FBXO9: variants seen among roughly 807,000 people sequenced by gnomAD.
FBXO9 encodes F-box protein 9, also known as F-box only protein 9.
Under a neutral mutation model 63.7 loss-of-function variants are expected in FBXO9, and 43 were observed. The observed-to-expected ratio is 0.67, with a 90% CI of 0.53 to 0.87. The LOEUF is 0.87. FBXO9 is among the 40% of genes least tolerant of loss of function. The probability of loss-of-function intolerance (pLI) is 0.00; values close to 1 mark genes in which losing one functional copy is unlikely to be tolerated. For synonymous variants in FBXO9, 156 were observed against 171.7 expected (o/e 0.91, Z 0.72); for missense variants, 442 against 533.2 (o/e 0.83, Z 1.68).
At chr6:53,065,143 C>T (rs190097647), upstream of FBXO9, 1 of 152,354 alleles carries the variant, frequency 6.6e-6, no homozygotes, top group Non-Finnish European at 1.5e-5. Context: ...GCGTCCAGTT[C>T]GATGCTTCTC....
chr6:53,070,879 C>A (rs1768890550), intron 1 of FBXO9, 178 bp from the exon 2 acceptor site: 1 of 954,216 alleles, frequency 1.0e-6, no homozygotes, highest in Non-Finnish European at 1.5e-6. Flanking sequence ...GACTCATTTT[C>A]CTTTGGAAAT....
chr6:53,080,895 C>T, intron 5 of FBXO9, 73 bp from the exon 6 acceptor site: 3 of 1,530,924 alleles, frequency 2.0e-6, no homozygotes, highest in African/African-American at 1.4e-5. Context: ...TTTGAAAATG[C>T]TATGAAAAAT....
chr6:53,075,781 C>T (rs1769086871), intron 3 of FBXO9, among the ~76,000 whole-genome samples: 1 of 100,046 alleles, frequency 1.0e-5, no homozygotes, highest in East Asian at 3.5e-4. Context: ...GTCACTGTGT[C>T]ACCCCAGGCT....
At chr6:53,078,765 G>T (rs765286875) in intron 4 of FBXO9, 34 bp from the exon 5 acceptor site, 4 of 1,492,798 alleles carry the variant, frequency 2.7e-6, no homozygotes, top group Middle Eastern at 1.7e-4. Flanking sequence ...AAAATGTGTG[G>T]TCACAGCTAA....
chr6:53,092,514 A>G lies in FBXO9; in HGVS notation c.739A>G (p.Met247Val). The change falls in exon 8 of 13, where the codon ATG (methionine) becomes GTG (valine). Residue 247 changes from methionine (M) to valine (V), a missense_variant. Around this residue, in one of 2 missense-constraint regions of FBXO9, gnomAD observed 262 missense variants for 362.1 expected, o/e 0.72. Coordinates refer to ENST00000323557, the MANE Select transcript of FBXO9 (RefSeq NM_033480.3). Reference sequence around the variant, plus strand: ...TGTTCCGTACACGTCCTGGAGAGAGATGTTTTTAGAACGGCCTCGTGTTCG... The same window carrying G: ...TGTTCCGTACACGTCCTGGAGAGAGGTGTTTTTAGAACGGCCTCGTGTTCG... ...KLVPYTSWRE[M>V]FLERPRVRFD... 1 of 1,613,896 alleles carries G rather than the reference A, an allele frequency of 6.2e-7. No homozygotes were observed. Among genetic ancestry groups the G allele is most frequent in the Non-Finnish European group, 8.5e-7 (1 of 1,179,866 alleles).
intron 11 of FBXO9, chr6:53,094,903 G>T: frequency 4.5e-6 from 1 of 223,862 alleles, no homozygotes; most frequent in Non-Finnish European, 9.5e-6. Flanking sequence ...AAAGAGTTTA[G>T]GAACTCCCAT....
At position 53,076,484 on chromosome 6, in the gene FBXO9, A is replaced by G; in HGVS notation, c.250-2A>G. On this transcript the variant is annotated splice_acceptor_variant, in intron 3 of 12. Transcript: ENST00000323557. LOFTEE classifies it high-confidence loss of function. Reference sequence around the variant, plus strand: ...AAAAATTTTTACTTTATATTTTTATAGGCTCGAGAACTCTTCCTAAAAGCA... The same window carrying G: ...AAAAATTTTTACTTTATATTTTTATGGGCTCGAGAACTCTTCCTAAAAGCA... 2.6e-6 allele frequency: 4 copies of G among 1,535,482 alleles called. No homozygotes were observed. The highest frequency in any genetic ancestry group is 3.5e-6 in the Non-Finnish European group (4 of 1,150,102).
Position 53,097,815 on chromosome 6 carries a change from A to T in FBXO9, c.1299A>T (p.Ser433=), listed in dbSNP as rs1763252504. 6.2e-7 allele frequency: 1 copy of T among 1,603,946 alleles called. No individual in the cohort carries two copies. ...FARVRSYTAF[S]ERPL is the part of the protein sequence containing the mutation. ...GAGTAAGGAGCTACACAGCTTTCTCAGAAAGGCCTCTGTAGAGCCTCAAGT... is the reference window on the plus strand; with the variant it reads ...GAGTAAGGAGCTACACAGCTTTCTCTGAAAGGCCTCTGTAGAGCCTCAAGT... The change falls in exon 13 of 13, where the codon TCA becomes TCT. Residue 433 remains serine, a synonymous_variant. Transcript: ENST00000323557.
At chr6:53,094,514 C>T (rs547989523) in intron 11 of FBXO9, among the ~76,000 whole-genome samples, 80 of 152,252 alleles carry the variant, frequency 5.3e-4, no homozygotes, top group African/African-American at 1.9e-3. Flanking sequence ...ATTTTTTCAC[C>T]TTTCTCCATA....
chr6:53,095,696 C>T, intron 12 of FBXO9, 32 bp downstream of exon 12: 1 of 1,568,534 alleles, frequency 6.4e-7, no homozygotes, highest in Non-Finnish European at 8.6e-7. Context: ...AACAAGGTTA[C>T]ACTATAAATG....
Position 53,099,122 on chromosome 6 carries a change from C to T in FBXO9, c.*1292C>T, listed in dbSNP as rs1242838809. 1 of 151,402 alleles carries T rather than the reference C, an allele frequency of 6.6e-6. No homozygotes were observed. The highest frequency in any genetic ancestry group is 1.5e-5 in the Non-Finnish European group (1 of 68,130). 9.4% of individuals were successfully genotyped at this position (151,402 alleles called of 1,614,324 possible). A position where few individuals can be genotyped will look rare whatever the true frequency, so the allele number is the denominator to read the frequency against. ...CACATACAGACCAGGCGTGGTGGCT[C>T]ATGCCTATAATCCCAGCACTTTGGG... On this transcript the variant is annotated 3_prime_UTR_variant, in exon 13 of 13. Transcript: ENST00000323557.
intron 3 of FBXO9, among the ~76,000 whole-genome samples, chr6:53,075,695 GTT>G: frequency 7.9e-6 from 1 of 127,368 alleles, no homozygotes; most frequent in Non-Finnish European, 1.7e-5. Context: ...TGAAATATCT[GTT>G]GATGTCTTTT....
rs1581838440 is a variant in FBXO9 at position 53,100,307 on chromosome 6, C to T, written c.*2477C>T. On this transcript the variant is annotated 3_prime_UTR_variant, in exon 13 of 13. Transcript: ENST00000323557. ...GTGTCCTTCCTTTGCTCTATTAGGACATTACAGAAACCAATACTATGAAAA... is the reference window on the plus strand; with the variant it reads ...GTGTCCTTCCTTTGCTCTATTAGGATATTACAGAAACCAATACTATGAAAA... 1 of 152,134 alleles carries T rather than the reference C, an allele frequency of 6.6e-6. No homozygotes were observed. The highest frequency in any genetic ancestry group is 1.9e-4 in the East Asian group (1 of 5,194). The allele number at this position is 152,134 out of a possible 1,614,324, so 9.4% of individuals were successfully genotyped here.
At chr6:53,068,654 G>GTGT (rs1554184138) in intron 1 of FBXO9, among the ~76,000 whole-genome samples, 28 of 132,206 alleles carry the variant, frequency 2.1e-4, no homozygotes, top group East Asian at 6.6e-4. Flanking sequence ...ATATATATGT[G>GTGT]TTTTTTTTTT....
chr6:53,069,086 C>A (rs1326477219), intron 1 of FBXO9, among the ~76,000 whole-genome samples: 2 of 152,182 alleles, frequency 1.3e-5, no homozygotes, highest in Non-Finnish European at 2.9e-5. Context: ...TGAGGCCATC[C>A]TGGGCTGCAT....
At position 53,089,079 on chromosome 6, in the gene FBXO9, G is replaced by GT. The variant is rs1307876246; in HGVS notation, c.654-3339dup. Among the ~76,000 whole-genome samples, 83 of 140,280 alleles carry GT rather than the reference G, an allele frequency of 5.9e-4. 1 individual carries two copies. The highest frequency in any genetic ancestry group is 3.3e-3 in the South Asian group (14 of 4,290). The allele number at this position is 140,280 out of a possible 152,430, so 92.0% of individuals were successfully genotyped here. A position where few individuals can be genotyped will look rare whatever the true frequency, so the allele number is the denominator to read the frequency against. ...GTGGGGTTTTTTTTTGTTTGTTTTT[G>GT]TTTTTTTTTTTCCAGGCGGAGTGTC... On this transcript the variant is annotated intron_variant, in intron 7 of 12. Coordinates refer to ENST00000323557, the MANE Select transcript of FBXO9 (RefSeq NM_033480.3).
At chr6:53,092,586 C>A (rs1028031888) in intron 8 of FBXO9, 39 bp downstream of exon 8, 1 of 1,532,678 alleles carries the variant, frequency 6.5e-7, no homozygotes, top group Non-Finnish European at 9.0e-7. Flanking sequence ...AAATACTGAT[C>A]TATAATGCTG....
chr6:53,095,451 T>C lies in FBXO9; in HGVS notation c.1054-62T>C, dbSNP rs956251347. The C allele has an allele frequency of 3.7e-5, 53 of 1,451,204 alleles. 1 individual carries two copies. Among genetic ancestry groups the C allele is most frequent in the Middle Eastern group, 1.8e-4 (1 of 5,598 alleles). The allele number at this position is 1,451,204 out of a possible 1,614,324, so 89.9% of individuals were successfully genotyped here. ...CTTTTAGTGTCACTGTTGCATACTA[T>C]TTCTGTAAACATAGAAGTGAGGTAA... On this transcript the variant is annotated intron_variant, in intron 11 of 12. Coordinates refer to ENST00000323557, the MANE Select transcript of FBXO9 (RefSeq NM_033480.3).
At chr6:53,077,472 CAAAAAAAAAAAA>C (rs1173539613) in intron 4 of FBXO9, among the ~76,000 whole-genome samples, 8 of 70,464 alleles carry the variant, frequency 1.1e-4, no homozygotes, top group South Asian at 1.5e-3. Context: ...GACTCCGTCT[CAAAAAAAAAAAA>C]AAAAAAAAAA....
Sources: gnomAD v4.1 joint callset for allele counts (sites outside exome capture counted in the v4.1 genomes callset) on GRCh38, gnomAD v4.1.1 for gene constraint, gnomAD v4.1.1 regional missense constraint, MANE v1.5 for transcripts, NCBI Gene and HGNC (gene_info 2026-07-23, HGNC 2026-07-21) for gene names.